The following DOCK2 variants were observed in gnomAD, a reference collection of about 807,000 sequenced individuals.
DOCK2 encodes dedicator of cytokinesis protein 2.
A neutral mutation model predicts 248.9 loss-of-function variants in DOCK2; 87 were observed. The observed-to-expected ratio is 0.35, with a 90% confidence interval of 0.29 to 0.42. The LOEUF is 0.42. DOCK2 is among the 10% of genes least tolerant of loss of function. The pLI, the probability that DOCK2 is intolerant of heterozygous loss-of-function variation, is 1.00. For missense variants in DOCK2, 1,747 were observed against 2,300.2 expected, an observed-to-expected ratio of 0.76 and a Z score of 4.92; for synonymous variants, 805 against 821.6, an observed-to-expected ratio of 0.98 and a Z score of 0.35.
rs370409473 is a variant in DOCK2 at position 170,050,512 on chromosome 5, C to T, written c.4213+115C>T. On this transcript the variant is annotated intron_variant, in intron 41 of 51. Transcript: ENST00000520908. Reference sequence around the variant, plus strand: ...GCTGCTGCCAGAATCATTGCAGTGGCGCCATGTTGCAGGAACATGCAACAT... The same window carrying T: ...GCTGCTGCCAGAATCATTGCAGTGGTGCCATGTTGCAGGAACATGCAACAT... 65 of 1,264,590 alleles carry T rather than the reference C, an allele frequency of 5.1e-5. 1 individual carries two copies. Among genetic ancestry groups the T allele is most frequent in the East Asian group, 3.1e-4 (13 of 41,578 alleles). 78.3% of individuals were successfully genotyped at this position (1,264,590 alleles called of 1,614,324 possible).
At chr5:170,030,859 C>T (rs1157967616) in intron 34 of DOCK2, among the ~76,000 whole-genome samples, 1 of 152,230 alleles carries the variant, frequency 6.6e-6, no homozygotes, top group Non-Finnish European at 1.5e-5. Context: ...TGGGCAGATA[C>T]AGTCCTGTGG....
chr5:169,927,702 C>A (rs550361169), intron 27 of DOCK2, among the ~76,000 whole-genome samples: 2 of 152,212 alleles, frequency 1.3e-5, no homozygotes, highest in Non-Finnish European at 2.9e-5. Flanking sequence ...CTGCAAGCTC[C>A]GCTTCCCGAG....
At chr5:169,710,912 A>G (rs11134588) in intron 15 of DOCK2, among the ~76,000 whole-genome samples, 68,168 of 152,060 alleles carry the variant, frequency 0.45, 16,447 homozygotes, top group East Asian at 0.76. Flanking sequence ...ACATTGCCCC[A>G]TGTGTAACAC....
At chr5:169,891,569 T>G in intron 27 of DOCK2, among the ~76,000 whole-genome samples, 1 of 151,868 alleles carries the variant, frequency 6.6e-6, no homozygotes, top group East Asian at 1.9e-4. Flanking sequence ...TTCTAGAAAA[T>G]GTAGGGGACT....
intron 22 of DOCK2, among the ~76,000 whole-genome samples, chr5:169,734,337 G>C (rs570151651): frequency 1.3e-5 from 2 of 151,988 alleles, no homozygotes; most frequent in Non-Finnish European, 2.9e-5. Flanking sequence ...TGTACACTTT[G>C]TTGCATAATT....
Position 169,718,881 on chromosome 5 carries a change from A to G in DOCK2, c.2267+90A>G, listed in dbSNP as rs546059418. ...TTTACTGTAGGAGAAACTCGTTTAA[A>G]AAATTATAACCAGCTGTCGATCAAA... On this transcript the variant is annotated intron_variant, in intron 22 of 51. Coordinates refer to ENST00000520908, the MANE Select transcript of DOCK2 (RefSeq NM_004946.3). 8.1e-6 allele frequency: 12 copies of G among 1,485,534 alleles called. No individual in the cohort carries two copies. The African/African-American group carries it at 1.7e-4, about 21-fold the overall frequency. 92.0% of individuals were successfully genotyped at this position (1,485,534 alleles called of 1,614,324 possible). A position where few individuals can be genotyped will look rare whatever the true frequency, so the allele number is the denominator to read the frequency against.
intron 1 of DOCK2, 83 bp downstream of exon 1, chr5:169,637,452 G>T (rs1192611007): frequency 3.9e-6 from 5 of 1,278,270 alleles, no homozygotes; most frequent in Non-Finnish European, 4.0e-6. Flanking sequence ...GGGGCCGGCG[G>T]CGCGGGGTGG....
At chr5:170,034,629 A>T in intron 35 of DOCK2, 74 bp downstream of exon 35, 1 of 1,568,710 alleles carries the variant, frequency 6.4e-7, no homozygotes, top group Non-Finnish European at 8.7e-7. Context: ...GGGTCTCACG[A>T]TTGTTCTTCA....
chr5:169,756,624 T>A (rs1228088076), intron 23 of DOCK2, among the ~76,000 whole-genome samples: 1 of 152,058 alleles, frequency 6.6e-6, no homozygotes, highest in East Asian at 1.9e-4. Flanking sequence ...AGAAACAGTT[T>A]GCTAGAAGTG....
intron 19 of DOCK2, among the ~76,000 whole-genome samples, 159 bp from the exon 20 acceptor site, chr5:169,716,054 C>T (rs1329345735): frequency 1.3e-5 from 2 of 152,236 alleles, no homozygotes; most frequent in South Asian, 2.1e-4. Context: ...GTTCCTCCAA[C>T]TTCTGGCTCT....
chr5:169,912,612 G>A (rs1173226274), intron 27 of DOCK2, among the ~76,000 whole-genome samples: 1 of 131,090 alleles, frequency 7.6e-6, no homozygotes, highest in Admixed American at 7.7e-5. Context: ...ACTGTGTGTG[G>A]TGGAGTGTAT....
At chr5:169,857,361 G>T (rs1213179319) in intron 27 of DOCK2, among the ~76,000 whole-genome samples, 2 of 152,142 alleles carry the variant, frequency 1.3e-5, no homozygotes, top group Non-Finnish European at 2.9e-5. Flanking sequence ...CAATATTCAG[G>T]ACAAAGATCT....
At chr5:169,967,944 C>G (rs996949704) in intron 27 of DOCK2, among the ~76,000 whole-genome samples, 4 of 152,024 alleles carry the variant, frequency 2.6e-5, no homozygotes, top group Admixed American at 1.3e-4. Context: ...GTGGCTGGTT[C>G]TGAGAAGGAG....
At chr5:169,788,610 G>T (rs554640704) in intron 25 of DOCK2, among the ~76,000 whole-genome samples, 26 of 152,194 alleles carry the variant, frequency 1.7e-4, no homozygotes, top group Non-Finnish European at 3.4e-4. Flanking sequence ...TTGGAGGGCT[G>T]CCCTTATGGC....
intron 44 of DOCK2, 121 bp from the exon 45 acceptor site, chr5:170,067,389 G>A (rs1271744265): frequency 6.9e-5 from 66 of 962,194 alleles, no homozygotes; most frequent in Non-Finnish European, 9.7e-5. Flanking sequence ...TCCTGTTACA[G>A]CCCCTTAGGG....
chr5:169,727,300 A>T (rs1165845510), intron 22 of DOCK2, among the ~76,000 whole-genome samples: 1 of 152,228 alleles, frequency 6.6e-6, no homozygotes, highest in East Asian at 1.9e-4. Context: ...TGTTCATTAT[A>T]TAAAAGAGAA....
chr5:170,010,018 G>A (rs1755223925), intron 32 of DOCK2, among the ~76,000 whole-genome samples: 1 of 152,150 alleles, frequency 6.6e-6, no homozygotes. Flanking sequence ...CTAAGTTGGG[G>A]AAATAAGCAC....
At chr5:169,814,464 A>T (rs1014109078) in intron 26 of DOCK2, among the ~76,000 whole-genome samples, 2 of 152,234 alleles carry the variant, frequency 1.3e-5, no homozygotes, top group African/African-American at 4.8e-5. Flanking sequence ...TCCTGAATTG[A>T]ATCATGGACG....
chr5:169,669,829 A>T (rs1758943347), intron 3 of DOCK2, among the ~76,000 whole-genome samples: 1 of 152,222 alleles, frequency 6.6e-6, no homozygotes. Flanking sequence ...AGCACCTAGC[A>T]CAGTGACCAG....
Sources: gnomAD v4.1 joint callset for allele counts (sites outside exome capture counted in the v4.1 genomes callset) on GRCh38, gnomAD v4.1.1 for gene constraint, MANE v1.5 for transcripts, NCBI Gene and HGNC (gene_info 2026-07-23, HGNC 2026-07-21) for gene names.